Variants in UBR1 observed in about 807,000 individuals in gnomAD.
UBR1 encodes ubiquitin protein ligase E3 component n-recognin 1, also known as E3 ubiquitin-protein ligase UBR1.
Under a neutral mutation model 242.1 loss-of-function variants are expected in UBR1, and 102 were observed. The ratio of observed to expected loss-of-function variants is 0.42; its 90% CI spans 0.36 to 0.50. UBR1 has a LOEUF of 0.50. Ranked by LOEUF, UBR1 falls within the 20% of genes least tolerant of loss-of-function variation. The pLI, the probability that UBR1 is intolerant of heterozygous loss-of-function variation, is 0.01. For synonymous variants in UBR1, 675 were observed against 684.8 expected (o/e 0.99, Z 0.22); for missense variants, 1,772 against 2,101.8 (o/e 0.84, Z 3.07).
chr15:42,975,824 C>T (rs1434597055), intron 39 of UBR1, among the ~76,000 whole-genome samples: 1 of 152,088 alleles, frequency 6.6e-6, no homozygotes, highest in African/African-American at 2.4e-5. Flanking sequence ...AGTGATCCTC[C>T]CACCTCAGCC....
At position 42,983,665 on chromosome 15, in the gene UBR1, CAAT is replaced by C. The variant is rs60519719; in HGVS notation, c.4150+229_4150+231del. Reference sequence around the variant, plus strand: ...CAGCAACAACAGCGAAACTCCCACTCAATAATAATAATAATAATAATAATAATA... The same window carrying C: ...CAGCAACAACAGCGAAACTCCCACTCAATAATAATAATAATAATAATAATA... On this transcript the variant is annotated intron_variant, in intron 37 of 46. Coordinates refer to ENST00000290650, the MANE Select transcript of UBR1 (RefSeq NM_174916.3). Among the ~76,000 whole-genome samples, 1,116 of 137,352 alleles carry C rather than the reference CAAT, an allele frequency of 8.1e-3. 10 individuals carry two copies. The highest frequency in any genetic ancestry group is 0.021 in the African/African-American group (781 of 37,362). 90.1% of individuals were successfully genotyped at this position (137,352 alleles called of 152,430 possible). A position where few individuals can be genotyped will look rare whatever the true frequency, so the allele number is the denominator to read the frequency against.
intron 29 of UBR1, among the ~76,000 whole-genome samples, chr15:43,010,982 T>A (rs946585313): frequency 2.0e-5 from 3 of 151,802 alleles, no homozygotes; most frequent in Non-Finnish European, 2.9e-5. Context: ...AAAGCAAGAC[T>A]CCATCTCAAG....
chr15:42,965,072 C>CT (rs2032083330), intron 41 of UBR1, among the ~76,000 whole-genome samples: 1 of 152,140 alleles, frequency 6.6e-6, no homozygotes, highest in East Asian at 1.9e-4. Context: ...AAATACATGA[C>CT]TTTTTTGTAT....
Position 43,025,381 on chromosome 15 carries a change from C to G in UBR1, c.2584G>C (p.Ala862Pro). 1.9e-6 allele frequency: 3 copies of G among 1,608,522 alleles called. No individual in the cohort carries two copies. Among genetic ancestry groups the G allele is most frequent in the Non-Finnish European group, 2.5e-6 (3 of 1,176,922 alleles). The part of the protein sequence containing the change: ...KRRKQENKDE[A>P]LPPPPPPEFC... ...GTCAATTCAGAATCTCACTTTTTACCTTCATCTTTGTTTTCTTGTTTTCTC... is the reference window on the plus strand; with the variant it reads ...GTCAATTCAGAATCTCACTTTTTACGTTCATCTTTGTTTTCTTGTTTTCTC... Residue 862 changes from alanine to proline, a missense_variant and splice_region_variant, in exon 24 of 47, where the codon GCA becomes CCA. Ala to Pro is a conservative substitution (Grantham distance 27). This residue lies in a region of UBR1 where 965 missense variants were observed against 1,079.7 expected (regional missense o/e 0.89). Transcript: ENST00000290650.
chr15:43,043,435 T>G (rs1455964914), intron 14 of UBR1, 40 bp from the exon 15 acceptor site: 2 of 1,595,474 alleles, frequency 1.3e-6, no homozygotes, highest in African/African-American at 2.7e-5. Flanking sequence ...ACAAGTTTTC[T>G]ACTTTAACAC....
chr15:43,090,066 A>G (rs921824920), intron 1 of UBR1, among the ~76,000 whole-genome samples: 1 of 152,234 alleles, frequency 6.6e-6, no homozygotes, highest in African/African-American at 2.4e-5. Flanking sequence ...AAATGTTAAC[A>G]TTACAGGAAA....
rs772027083 is a variant in UBR1 at position 42,944,135 on chromosome 15, G to C, written c.*1194C>G. The C allele has an allele frequency of 6.6e-5, 10 of 152,306 alleles. No homozygotes were observed. Among genetic ancestry groups the C allele is most frequent in the Non-Finnish European group, 1.0e-4 (7 of 68,016 alleles). 9.4% of individuals were successfully genotyped at this position (152,306 alleles called of 1,614,324 possible). On this transcript the variant is annotated 3_prime_UTR_variant, in exon 47 of 47. Coordinates refer to ENST00000290650, the MANE Select transcript of UBR1 (RefSeq NM_174916.3). ...GTTCTAACATTACCCCAGAAACAAC[G>C]TAAGTTAAAATGGAAGGTTTCCATT...
rs991173743 is a variant in UBR1, at chr15:42,958,096, A to G, written c.4758-6T>C. On this transcript the variant is annotated splice_polypyrimidine_tract_variant and splice_region_variant and intron_variant, in intron 43 of 46. Transcript: ENST00000290650. ...TATTTCTTTTTCTAGGGTACCTACA[A>G]TGTAATTTAAAAGGCAATTTTATTT... 3.7e-6 allele frequency: 6 copies of G among 1,609,516 alleles called. No homozygotes were observed. Among genetic ancestry groups the G allele is most frequent in the Admixed American group, 1.7e-5 (1 of 59,990 alleles).
intron 1 of UBR1, among the ~76,000 whole-genome samples, chr15:43,089,316 C>A (rs1218633475): frequency 6.6e-6 from 1 of 152,036 alleles, no homozygotes; most frequent in Admixed American, 6.6e-5. Context: ...CATGGTGAAA[C>A]CCCATCTCTG....
chr15:43,007,918 T>C (rs76314471), intron 29 of UBR1, among the ~76,000 whole-genome samples: 23 of 152,364 alleles, frequency 1.5e-4, no homozygotes, highest in African/African-American at 5.5e-4. Context: ...CTATTCAAAC[T>C]AAAAAACTTA....
chr15:43,060,252 A>T, intron 6 of UBR1, 138 bp from the exon 7 acceptor site: 1 of 834,870 alleles, frequency 1.2e-6, no homozygotes, highest in South Asian at 1.4e-5. Flanking sequence ...TACCGGAACA[A>T]TATCTGAAAG....
Position 42,945,423 on chromosome 15 carries a change from T to C in UBR1, c.5156A>G (p.His1719Arg), listed in dbSNP as rs2031715295. The change falls in exon 47 of 47, where the codon CAT (histidine) becomes CGT (arginine). Residue 1719 changes from histidine (H) to arginine (R), a missense_variant. Transcript: ENST00000290650. The part of the protein sequence containing the change: ...HLSRERYRKL[H>R]LVWQQHCIIE... ...AATGCAGTGTTGTTGCCAGACCAAA[T>C]GGAGCTTCCGATACCGCTCACGAGA... 2.5e-6 allele frequency: 4 copies of C among 1,614,164 alleles called. No homozygotes were observed. The highest frequency in any genetic ancestry group is 1.6e-4 in the Middle Eastern group (1 of 6,062).
intron 29 of UBR1, among the ~76,000 whole-genome samples, chr15:43,013,513 T>C (rs757774837): frequency 3.0e-4 from 46 of 152,354 alleles, no homozygotes; most frequent in Non-Finnish European, 5.1e-4. Flanking sequence ...GCCACCTTTT[T>C]CAGGCAAAGA....
At chr15:43,091,349 G>C (rs146475878) in intron 1 of UBR1, among the ~76,000 whole-genome samples, 51 of 152,318 alleles carry the variant, frequency 3.3e-4, no homozygotes, top group African/African-American at 1.2e-3. Flanking sequence ...AATGCTCATT[G>C]TAACATTTTG....
At position 42,988,942 on chromosome 15, in the gene UBR1, C is replaced by T. The variant is rs2032516078; in HGVS notation, c.3874G>A (p.Glu1292Lys). The T allele has an allele frequency of 6.2e-7, 1 of 1,604,950 alleles. No homozygotes were observed. Among genetic ancestry groups the T allele is most frequent in the East Asian group, 2.2e-5 (1 of 44,808 alleles). The change falls in exon 35 of 47, where the codon GAA (glutamate) becomes AAA (lysine). Residue 1292 changes from glutamate (E) to lysine (K), a missense_variant. Transcript: ENST00000290650. ...GTTGTGGCAAAGAGAATAACCATTT[C>T]CTTGATGCTATTTGAATATTTAATC... ...SSIKYSNSIKEMVILFATTIY... is the reference protein window; with the variant it reads ...SSIKYSNSIKKMVILFATTIY...
At chr15:43,072,744 T>C (rs2033838301) in intron 4 of UBR1, among the ~76,000 whole-genome samples, 1 of 152,234 alleles carries the variant, frequency 6.6e-6, no homozygotes. Flanking sequence ...GTACTGGATT[T>C]TGTCAAATGT....
chr15:42,949,782 C>T (rs904160854), intron 46 of UBR1, among the ~76,000 whole-genome samples: 3 of 151,068 alleles, frequency 2.0e-5, no homozygotes, highest in African/African-American at 7.3e-5. Flanking sequence ...CTGGGTGAAA[C>T]AGGGAGACTC....
intron 14 of UBR1, among the ~76,000 whole-genome samples, chr15:43,043,706 C>G (rs2033449115): frequency 6.6e-6 from 1 of 152,088 alleles, no homozygotes. Flanking sequence ...CTTGACCTCC[C>G]AAAGTGCTAG....
intron 4 of UBR1, among the ~76,000 whole-genome samples, chr15:43,073,782 C>T (rs1033937460): frequency 1.3e-5 from 2 of 152,142 alleles, no homozygotes; most frequent in African/African-American, 2.4e-5. Flanking sequence ...CTGGGTCCTA[C>T]GTTCTTTTGC....
Sources: gnomAD v4.1 joint callset for allele counts (sites outside exome capture counted in the v4.1 genomes callset) on GRCh38, gnomAD v4.1.1 for gene constraint, gnomAD v4.1.1 regional missense constraint, MANE v1.5 for transcripts, NCBI Gene and HGNC (gene_info 2026-07-23, HGNC 2026-07-21) for gene names.